The following ALKBH5 variants were observed in gnomAD, a reference collection of about 807,000 sequenced individuals.
ALKBH5 encodes the protein alkB homolog 5, RNA demethylase.
ALKBH5 carries 2 observed loss-of-function variants against 32.1 expected under a neutral mutation model. That is an observed-to-expected ratio of 0.06 (90% CI 0.03 to 0.20). The LOEUF (loss-of-function observed/expected upper bound fraction) is 0.20, where lower values mean the gene tolerates loss of function less well. ALKBH5 is among the 10% of genes least tolerant of loss of function. The pLI is 1.00. For missense variants in ALKBH5, 352 were observed against 559.5 expected, an observed-to-expected ratio of 0.63 and a Z score of 3.74; for synonymous variants, 300 against 231.7, an observed-to-expected ratio of 1.29 and a Z score of -2.68.
intron 2 of ALKBH5, among the ~76,000 whole-genome samples, chr17:18,195,359 C>A (rs1030278360): frequency 6.6e-6 from 1 of 152,186 alleles, no homozygotes; most frequent in African/African-American, 2.4e-5. Context: ...TCACCTCCTT[C>A]GTTCTTATTT....
intron 1 of ALKBH5, among the ~76,000 whole-genome samples, chr17:18,190,947 TCTGGGG>T (rs1284769658): frequency 1.3e-5 from 2 of 152,166 alleles, no homozygotes; most frequent in African/African-American, 2.4e-5. Context: ...GGTCAGTGCC[TCTGGGG>T]CTGGGGCTGG....
intron 1 of ALKBH5, among the ~76,000 whole-genome samples, chr17:18,188,336 G>A (rs1166589242): frequency 6.6e-6 from 1 of 152,214 alleles, no homozygotes; most frequent in Non-Finnish European, 1.5e-5. Context: ...AGAGACCCAG[G>A]CCTAGGCCAG....
chr17:18,194,399 C>T (rs2142476725), intron 1 of ALKBH5, among the ~76,000 whole-genome samples: 1 of 152,310 alleles, frequency 6.6e-6, no homozygotes, highest in East Asian at 1.9e-4. Context: ...GGTGATCCGC[C>T]CACCTCGGCC....
chr17:18,207,025 G>A, intron 3 of ALKBH5, 55 bp downstream of exon 3: 1 of 1,586,738 alleles, frequency 6.3e-7, no homozygotes. Context: ...TGCAGGGTGA[G>A]AAGGGTGGAG....
chr17:18,189,651 C>T (rs2142471416), intron 1 of ALKBH5, among the ~76,000 whole-genome samples: 2 of 152,354 alleles, frequency 1.3e-5, no homozygotes, highest in South Asian at 4.1e-4. Context: ...GGAGTTACAG[C>T]ACCACCATTT....
At chr17:18,186,537 A>G (rs931410670) in intron 1 of ALKBH5, among the ~76,000 whole-genome samples, 2 of 152,146 alleles carry the variant, frequency 1.3e-5, no homozygotes, top group African/African-American at 4.8e-5. Context: ...CTGGTGCTTA[A>G]TGAGGGGATC....
At chr17:18,195,334 C>T (rs1393674242) in intron 2 of ALKBH5, among the ~76,000 whole-genome samples, 1 of 152,222 alleles carries the variant, frequency 6.6e-6, no homozygotes, top group East Asian at 1.9e-4. Context: ...CACCCCACCC[C>T]TTAGCCTCTA....
chr17:18,184,036 G>T lies in ALKBH5; in HGVS notation c.-208G>T. ...AGAAGGTGGAGGAGGAAGAAGCCCC[G>T]TTGTCGCCACCGTTGCATGACCCGC... On this transcript the variant is annotated 5_prime_UTR_variant, in exon 1 of 4. Coordinates refer to ENST00000399138, the MANE Select transcript of ALKBH5 (RefSeq NM_017758.4). 3.0e-6 allele frequency: 2 copies of T among 675,866 alleles called. No homozygotes were observed. The highest frequency in any genetic ancestry group is 5.4e-6 in the Non-Finnish European group (2 of 372,524). 41.9% of individuals were successfully genotyped at this position (675,866 alleles called of 1,614,324 possible). A position where few individuals can be genotyped will look rare whatever the true frequency, so the allele number is the denominator to read the frequency against.
chr17:18,199,353 C>G (rs560610014), intron 2 of ALKBH5, among the ~76,000 whole-genome samples: 1 of 152,356 alleles, frequency 6.6e-6, no homozygotes, highest in African/African-American at 2.4e-5. Context: ...TTCTAAATTA[C>G]TAGTTAGATA....
intron 2 of ALKBH5, among the ~76,000 whole-genome samples, chr17:18,197,097 T>A (rs1182271089): frequency 6.6e-6 from 1 of 152,214 alleles, no homozygotes; most frequent in Non-Finnish European, 1.5e-5. Context: ...CTTTGCCAAG[T>A]CAAAACTTTT....
chr17:18,189,170 C>T (rs915714782), intron 1 of ALKBH5, among the ~76,000 whole-genome samples: 5 of 152,194 alleles, frequency 3.3e-5, no homozygotes, highest in African/African-American at 4.8e-5. Flanking sequence ...GAGGTCAGGA[C>T]ATCGAGACCA....
Position 18,183,993 on chromosome 17 carries a change from C to T in ALKBH5, c.-251C>T, listed in dbSNP as rs1238607694. On this transcript the variant is annotated 5_prime_UTR_variant, in exon 1 of 4. Transcript: ENST00000399138. The stretch of plus-strand genomic sequence containing the variant: ...GCGGCATGAGGCGCTGCCGGCGCCC[C>T]TGCCCCGCGGGACGTGGAGAAGGTG... 1 of 654,242 alleles carries T rather than the reference C, an allele frequency of 1.5e-6. No individual in the cohort carries two copies. The highest frequency in any genetic ancestry group is 1.5e-5 in the South Asian group (1 of 65,028). The allele number at this position is 654,242 out of a possible 1,614,324, so 40.5% of individuals were successfully genotyped here. A position where few individuals can be genotyped will look rare whatever the true frequency, so the allele number is the denominator to read the frequency against.
At chr17:18,191,768 G>A (rs2047176208) in intron 1 of ALKBH5, among the ~76,000 whole-genome samples, 1 of 152,014 alleles carries the variant, frequency 6.6e-6, no homozygotes, top group Non-Finnish European at 1.5e-5. Flanking sequence ...TCAGGAGATC[G>A]AGACCAGCCT....
At chr17:18,201,545 C>T (rs1275232403) in intron 2 of ALKBH5, among the ~76,000 whole-genome samples, 1 of 152,052 alleles carries the variant, frequency 6.6e-6, no homozygotes, top group Non-Finnish European at 1.5e-5. Context: ...ATTGCCTGAG[C>T]GCGGGAGTTT....
intron 3 of ALKBH5, 79 bp from the exon 4 acceptor site, chr17:18,208,140 G>C: frequency 6.8e-7 from 1 of 1,468,328 alleles, no homozygotes; most frequent in Non-Finnish European, 9.2e-7. Context: ...CCATCCCAAG[G>C]ATGAGACGAG....
At chr17:18,193,666 C>G (rs1049768219) in intron 1 of ALKBH5, among the ~76,000 whole-genome samples, 1 of 152,190 alleles carries the variant, frequency 6.6e-6, no homozygotes, top group Non-Finnish European at 1.5e-5. Flanking sequence ...CTTTTTATCT[C>G]TTGTTGGCTC....
chr17:18,195,301 T>C (rs2047198442), intron 2 of ALKBH5, among the ~76,000 whole-genome samples: 1 of 152,206 alleles, frequency 6.6e-6, no homozygotes, highest in Non-Finnish European at 1.5e-5. Flanking sequence ...GAGACAAGAT[T>C]TGGGCAACAT....
chr17:18,184,079 C>A lies in ALKBH5; in HGVS notation c.-165C>A, dbSNP rs925628983. On this transcript the variant is annotated 5_prime_UTR_variant, in exon 1 of 4. Transcript: ENST00000399138. The stretch of plus-strand genomic sequence containing the variant: ...TGACCCGCCGCTCCTGAGGCCCTAC[C>A]CCACGCCCGGACCCTCGACGCCCCC... The A allele has an allele frequency of 1.0e-5, 7 of 697,930 alleles. No homozygotes were observed. The highest frequency in any genetic ancestry group is 9.3e-5 in the African/African-American group (5 of 53,960). 43.2% of individuals were successfully genotyped at this position (697,930 alleles called of 1,614,324 possible). A position where few individuals can be genotyped will look rare whatever the true frequency, so the allele number is the denominator to read the frequency against.
At chr17:18,204,607 T>C (rs2047259214) in intron 2 of ALKBH5, among the ~76,000 whole-genome samples, 1 of 151,894 alleles carries the variant, frequency 6.6e-6, no homozygotes, top group South Asian at 2.1e-4. Flanking sequence ...ACTGAAAATA[T>C]AAAAATTAGC....
Sources: gnomAD v4.1 joint callset for allele counts (sites outside exome capture counted in the v4.1 genomes callset) on GRCh38, gnomAD v4.1.1 for gene constraint, MANE v1.5 for transcripts, NCBI Gene and HGNC (gene_info 2026-07-23, HGNC 2026-07-21) for gene names.